The following CPSF7 variants were observed in gnomAD, a reference collection of about 807,000 sequenced individuals.
CPSF7 encodes cleavage and polyadenylation specific factor 7.
Under a neutral mutation model 44.3 loss-of-function variants are expected in CPSF7, and 1 was observed. That is an observed-to-expected ratio of 0.02 (90% CI 0.01 to 0.11). CPSF7 has a LOEUF of 0.11. Ranked by LOEUF, CPSF7 falls within the 10% of genes least tolerant of loss-of-function variation. The pLI is 1.00. For synonymous variants in CPSF7, 202 were observed against 222.0 expected, an observed-to-expected ratio of 0.91 and a Z score of 0.80; for missense variants, 443 against 607.2, an observed-to-expected ratio of 0.73 and a Z score of 2.84.
At chr11:61,416,561 C>A (rs1350774565) in intron 5 of CPSF7, 42 bp from the exon 6 acceptor site, 2 of 1,590,550 alleles carry the variant, frequency 1.3e-6, no homozygotes, top group South Asian at 2.2e-5. Flanking sequence ...CCAGGCTTTA[C>A]ACAAACCCAC....
chr11:61,416,410 A>G lies in CPSF7; in HGVS notation c.633T>C (p.Ser211=). The change falls in exon 6 of 10, where the codon AGT becomes AGC. Residue 211 remains serine, a synonymous_variant. Transcript: ENST00000439958. ...GAGGACGATTGAAGTAGGGCAGCAC[A>G]CTGGGGGGCTTATCCACACGAGCAG... ...PSSARVDKPP[S]VLPYFNRPPS... The G allele has an allele frequency of 6.2e-7, 1 of 1,613,954 alleles. No individual in the cohort carries two copies. Among genetic ancestry groups the G allele is most frequent in the Non-Finnish European group, 8.5e-7 (1 of 1,179,932 alleles).
At chr11:61,416,601 G>A (rs2135328420) in intron 5 of CPSF7, 82 bp from the exon 6 acceptor site, 1 of 1,411,942 alleles carries the variant, frequency 7.1e-7, no homozygotes, top group Non-Finnish European at 9.9e-7. Flanking sequence ...GAAGTTATCA[G>A]ACACCCTACA....
intron 5 of CPSF7, 159 bp downstream of exon 5, chr11:61,419,790 T>A (rs915089753): frequency 3.7e-6 from 3 of 815,328 alleles, no homozygotes; most frequent in Non-Finnish European, 4.0e-6. Flanking sequence ...TTCTGAGGAC[T>A]ACTTGTCGAC....
At chr11:61,422,090 G>T (rs922951119) in intron 2 of CPSF7, among the ~76,000 whole-genome samples, 6 of 152,046 alleles carry the variant, frequency 3.9e-5, no homozygotes, top group African/African-American at 1.4e-4. Context: ...CATGAAAGTG[G>T]GTACAAAAAT....
rs1860257274 is a variant in CPSF7 at position 61,415,661 on chromosome 11, G to A, written c.1057+5C>T. 6.3e-7 allele frequency: 1 copy of A among 1,583,272 alleles called. No individual in the cohort carries two copies. The highest frequency in any genetic ancestry group is 8.7e-7 in the Non-Finnish European group (1 of 1,151,880). ...AGAAGGCAGCAAAGGTAAGCACTGA[G>A]TTACCTGCACTGGCTCCAGATACTG... On this transcript the variant is annotated splice_donor_5th_base_variant and intron_variant, in intron 7 of 9. Transcript: ENST00000439958.
In CPSF7 at chr11:61,416,349, G is replaced by T; in HGVS notation, c.694C>A (p.Pro232Thr). The T allele has an allele frequency of 6.3e-7, 1 of 1,591,554 alleles. No individual in the cohort carries two copies. The highest frequency in any genetic ancestry group is 8.6e-7 in the Non-Finnish European group (1 of 1,166,708). The change falls in exon 6 of 10, where the codon CCA becomes ACA. Residue 232 changes from proline (P) to threonine (T), a missense_variant. Physicochemically the swap from Pro to Thr is conservative, Grantham distance 38 (BLOSUM62 -1). Transcript: ENST00000439958. ...GAGAGAGGTGGTGGGGGTGGAATTG[G>T]TGGTGGGGGCAGACCCATCAGGGGA... ...ALPLMGLPPP[P>T]IPPPPPLSSS...
intron 8 of CPSF7, 88 bp from the exon 9 acceptor site, chr11:61,411,193 T>A: frequency 1.5e-6 from 2 of 1,346,102 alleles, no homozygotes; most frequent in Non-Finnish European, 2.0e-6. Context: ...GATATTTGCC[T>A]AAACTATTCC....
At chr11:61,417,882 G>C (rs1860484912) in intron 5 of CPSF7, among the ~76,000 whole-genome samples, 1 of 152,168 alleles carries the variant, frequency 6.6e-6, no homozygotes, top group Non-Finnish European at 1.5e-5. Context: ...AATTAACAGA[G>C]CCCAGGTCCA....
At chr11:61,426,107 G>C (rs1406193171) in intron 2 of CPSF7, among the ~76,000 whole-genome samples, 1 of 152,224 alleles carries the variant, frequency 6.6e-6, no homozygotes, top group Non-Finnish European at 1.5e-5. Context: ...ACAGGCTTTT[G>C]CAGCAAATGC....
chr11:61,409,104 C>T (rs1859605367), intron 9 of CPSF7, among the ~76,000 whole-genome samples: 1 of 151,980 alleles, frequency 6.6e-6, no homozygotes, highest in Non-Finnish European at 1.5e-5. Context: ...TGCCTCATGA[C>T]AGTGCACTCC....
At position 61,429,935 on chromosome 11, in the gene CPSF7, G is replaced by A. The variant is rs1443775666; in HGVS notation, c.-77C>T. 6 of 1,432,120 alleles carry A rather than the reference G, an allele frequency of 4.2e-6. No individual in the cohort carries two copies. Among genetic ancestry groups the A allele is most frequent in the Non-Finnish European group, 2.8e-6 (3 of 1,070,848 alleles). 88.7% of individuals were successfully genotyped at this position (1,432,120 alleles called of 1,614,324 possible). On this transcript the variant is annotated 5_prime_UTR_variant, in exon 1 of 10. Transcript: ENST00000439958. ...TTACCGGGAATATGGCGGCGGCGGC[G>A]GCGAGTCCGGACTAGGCCCGAAGCG...
chr11:61,411,720 G>T (rs769690703), intron 8 of CPSF7, 49 bp downstream of exon 8: 41 of 1,551,330 alleles, frequency 2.6e-5, no homozygotes, highest in Non-Finnish European at 3.4e-5. Context: ...CCTATCCCTG[G>T]AAGAGTGCTG....
chr11:61,425,419 T>C (rs954949645), intron 2 of CPSF7, among the ~76,000 whole-genome samples: 1 of 152,218 alleles, frequency 6.6e-6, no homozygotes, highest in African/African-American at 2.4e-5. Flanking sequence ...CCAGGGAGAT[T>C]AAACATGAAA....
At chr11:61,420,660 C>A in intron 3 of CPSF7, 87 bp from the exon 4 acceptor site, 1 of 983,868 alleles carries the variant, frequency 1.0e-6, no homozygotes, top group South Asian at 1.3e-5. Flanking sequence ...CTAGTCACAA[C>A]TAAGTCCCCC....
At chr11:61,406,279 AAAG>A (rs1472796314) in intron 9 of CPSF7, 1 of 152,254 alleles carries the variant, frequency 6.6e-6, no homozygotes, top group East Asian at 1.9e-4. Flanking sequence ...AAAGATGGAC[AAAG>A]AAGGCTACTG....
chr11:61,415,085 A>G (rs938457493), intron 7 of CPSF7, among the ~76,000 whole-genome samples: 4 of 152,124 alleles, frequency 2.6e-5, no homozygotes, highest in African/African-American at 4.8e-5. Context: ...AAAAAATACA[A>G]AAATTAGCCG....
At chr11:61,406,585 G>C (rs1859341878) in intron 9 of CPSF7, among the ~76,000 whole-genome samples, 1 of 152,166 alleles carries the variant, frequency 6.6e-6, no homozygotes. Context: ...GAAAAGTGAG[G>C]AAGTAGAAAA....
intron 9 of CPSF7, among the ~76,000 whole-genome samples, chr11:61,406,920 G>A (rs1052505653): frequency 6.6e-6 from 1 of 152,096 alleles, no homozygotes; most frequent in Non-Finnish European, 1.5e-5. Context: ...TGGGACTACA[G>A]GAGCACATCA....
intron 9 of CPSF7, among the ~76,000 whole-genome samples, chr11:61,408,702 C>T (rs968395723): frequency 1.8e-4 from 27 of 152,218 alleles, no homozygotes; most frequent in African/African-American, 6.0e-4. Flanking sequence ...AGCACCCCCT[C>T]TGACTCCCTA....
Sources: gnomAD v4.1 joint callset for allele counts (sites outside exome capture counted in the v4.1 genomes callset) on GRCh38, gnomAD v4.1.1 for gene constraint, MANE v1.5 for transcripts, NCBI Gene and HGNC (gene_info 2026-07-23, HGNC 2026-07-21) for gene names.